Variants in OCA2 observed in about 807,000 individuals in gnomAD.
OCA2 encodes the protein OCA2 melanosomal transmembrane protein, also known as P protein.
OCA2 carries 77 observed loss-of-function variants against 100.2 expected under a neutral mutation model. The observed-to-expected ratio is 0.77, with a 90% CI of 0.64 to 0.93. OCA2 has a LOEUF of 0.93. OCA2 is among the 40% of genes least tolerant of loss of function. The probability of loss-of-function intolerance (pLI) is 0.00; values close to 1 mark genes in which losing one functional copy is unlikely to be tolerated. For synonymous variants in OCA2, 432 were observed against 439.2 expected (o/e 0.98, Z 0.21); for missense variants, 1,062 against 1,089.1 (o/e 0.98, Z 0.35).
At chr15:28,050,352 T>C (rs985683306) in intron 2 of OCA2, among the ~76,000 whole-genome samples, 1 of 151,742 alleles carries the variant, frequency 6.6e-6, no homozygotes, top group East Asian at 1.9e-4. Flanking sequence ...TGAGGTCGAG[T>C]TCGAGACCAG....
chr15:27,934,092 A>C (rs1273449422), intron 18 of OCA2, among the ~76,000 whole-genome samples: 2 of 152,144 alleles, frequency 1.3e-5, no homozygotes, highest in South Asian at 2.1e-4. Context: ...TATATATCAC[A>C]CAAGCCTTGC....
At chr15:27,768,084 C>T (rs968514598) in intron 23 of OCA2, among the ~76,000 whole-genome samples, 6 of 152,064 alleles carry the variant, frequency 3.9e-5, no homozygotes, top group Admixed American at 3.9e-4. Context: ...CAGCTGTGAC[C>T]TGGCGCAGGG....
At chr15:27,923,794 T>A (rs1346214652) in intron 19 of OCA2, among the ~76,000 whole-genome samples, 2 of 152,194 alleles carry the variant, frequency 1.3e-5, no homozygotes, top group African/African-American at 4.8e-5. Flanking sequence ...TTTGCTAAAT[T>A]TTTTTCCCAT....
At chr15:28,017,341 G>A (rs1444281714) in intron 7 of OCA2, among the ~76,000 whole-genome samples, 1 of 152,112 alleles carries the variant, frequency 6.6e-6, no homozygotes, top group Non-Finnish European at 1.5e-5. Context: ...CAAGAGAGCA[G>A]GGAGGTGCCA....
At chr15:27,770,619 C>G (rs560678120) in intron 23 of OCA2, among the ~76,000 whole-genome samples, 1 of 152,222 alleles carries the variant, frequency 6.6e-6, no homozygotes, top group South Asian at 2.1e-4. Context: ...TGTCCTTACC[C>G]ACTTCCCTCC....
chr15:27,963,469 T>C (rs2040469559), intron 15 of OCA2, among the ~76,000 whole-genome samples: 3 of 152,104 alleles, frequency 2.0e-5, no homozygotes. Context: ...ATTAGGTAAC[T>C]GCAAAAACTT....
intron 2 of OCA2, among the ~76,000 whole-genome samples, chr15:28,055,647 G>C (rs1261680428): frequency 6.6e-6 from 1 of 152,212 alleles, no homozygotes; most frequent in African/African-American, 2.4e-5. Flanking sequence ...CATCACAGTG[G>C]TTTGGTGCTC....
intron 19 of OCA2, among the ~76,000 whole-genome samples, chr15:27,919,009 A>T (rs2038767469): frequency 6.6e-6 from 1 of 152,242 alleles, no homozygotes; most frequent in African/African-American, 2.4e-5. Context: ...TATAAAGAAG[A>T]TATACAGAAA....
At chr15:27,972,444 G>C (rs1167180922) in intron 14 of OCA2, among the ~76,000 whole-genome samples, 1 of 152,182 alleles carries the variant, frequency 6.6e-6, no homozygotes. Context: ...CATAAGGGTT[G>C]TATTAATTTA....
At chr15:28,021,538 G>A (rs766428038) in intron 6 of OCA2, among the ~76,000 whole-genome samples, 2 of 152,194 alleles carry the variant, frequency 1.3e-5, no homozygotes, top group African/African-American at 2.4e-5. Flanking sequence ...GTGTGGGCTC[G>A]CTTGAGCGTG....
chr15:27,845,821 A>ATC (rs2035512188), intron 22 of OCA2, among the ~76,000 whole-genome samples: 1 of 152,042 alleles, frequency 6.6e-6, no homozygotes, highest in Non-Finnish European at 1.5e-5. Context: ...TTCCATCTCC[A>ATC]TCTCTCTCTC....
intron 21 of OCA2, among the ~76,000 whole-genome samples, chr15:27,863,060 C>A (rs1420923944): frequency 6.6e-6 from 1 of 152,164 alleles, no homozygotes; most frequent in Non-Finnish European, 1.5e-5. Context: ...AAGGCACTAA[C>A]CATCAGCGGG....
Position 27,957,527 on chromosome 15 carries a change from T to C in OCA2, c.1784+61A>G. The C allele has an allele frequency of 6.3e-7, 1 of 1,590,286 alleles. No individual in the cohort carries two copies. Among genetic ancestry groups the C allele is most frequent in the Non-Finnish European group, 8.6e-7 (1 of 1,161,716 alleles). On this transcript the variant is annotated intron_variant, in intron 16 of 23. Transcript: ENST00000354638. The surrounding 1 kb of genome is among the most constrained non-coding windows in gnomAD (Gnocchi z 4.3). Reference sequence around the variant, plus strand: ...GTATACAGCTAATGTCGCTATTTTGTAGGCCCATGGAATGTTCTGCTGCAC... The same window carrying C: ...GTATACAGCTAATGTCGCTATTTTGCAGGCCCATGGAATGTTCTGCTGCAC...
chr15:28,013,663 C>T (rs1364335031), intron 9 of OCA2, among the ~76,000 whole-genome samples: 1 of 152,044 alleles, frequency 6.6e-6, no homozygotes, highest in Non-Finnish European at 1.5e-5. Context: ...TGTGGGCCCA[C>T]CTGGGAGAGG....
intron 15 of OCA2, among the ~76,000 whole-genome samples, chr15:27,964,851 G>A (rs115938839): frequency 0.036 from 5,443 of 152,148 alleles, 334 homozygotes; most frequent in African/African-American, 0.13. Flanking sequence ...GTCTTAGCCC[G>A]GCCATAGGGT....
intron 19 of OCA2, among the ~76,000 whole-genome samples, chr15:27,872,639 T>C (rs1424812064): frequency 1.3e-5 from 2 of 152,186 alleles, no homozygotes; most frequent in Non-Finnish European, 2.9e-5. Flanking sequence ...GCTGAAAGAC[T>C]GCAAATATTG....
rs548074790 is a variant in OCA2, at chr15:27,955,029, A to C, written c.1842+129T>G. On this transcript the variant is annotated intron_variant, in intron 17 of 23. Coordinates refer to ENST00000354638, the MANE Select transcript of OCA2 (RefSeq NM_000275.3). ...CATCCACTCACACACATAAACCTCAACGTCTTGTGTATAACCACAGAAATA... is the reference window on the plus strand; with the variant it reads ...CATCCACTCACACACATAAACCTCACCGTCTTGTGTATAACCACAGAAATA... 3.1e-5 allele frequency: 24 copies of C among 786,376 alleles called. No homozygotes were observed. The East Asian group carries it at 5.6e-4, about 18-fold the overall frequency. The allele number at this position is 786,376 out of a possible 1,614,324, so 48.7% of individuals were successfully genotyped here.
intron 18 of OCA2, among the ~76,000 whole-genome samples, chr15:27,945,623 T>G (rs2039806213): frequency 6.6e-6 from 1 of 152,194 alleles, no homozygotes. Context: ...TCCAATAGAT[T>G]GCTTTATTTG....
chr15:27,794,812 G>C (rs1042607820), intron 23 of OCA2, among the ~76,000 whole-genome samples: 2 of 152,108 alleles, frequency 1.3e-5, no homozygotes, highest in Non-Finnish European at 2.9e-5. Context: ...CATGTAAAAG[G>C]TCATGTTTTG....
Sources: allele counts gnomAD v4.1 joint callset (sites outside exome capture counted in the v4.1 genomes callset), GRCh38; gene constraint gnomAD v4.1.1; non-coding constraint Gnocchi (gnomAD v3.1); transcripts MANE v1.5; gene names NCBI Gene and HGNC (gene_info 2026-07-23, HGNC 2026-07-21).